Variants in CENPE observed in about 807,000 individuals in gnomAD.
CENPE encodes the protein centromere protein E, also known as centromere-associated protein E.
CENPE carries 145 observed loss-of-function variants against 336.1 expected under a neutral mutation model. The ratio of observed to expected loss-of-function variants is 0.43; its 90% CI spans 0.38 to 0.50. The LOEUF is 0.50. Ranked by LOEUF, CENPE falls within the 20% of genes least tolerant of loss-of-function variation. The pLI, the probability that CENPE is intolerant of heterozygous loss-of-function variation, is 0.00. For missense variants in CENPE, 2,719 were observed against 3,023.3 expected (o/e 0.90, Z 2.36); for synonymous variants, 1,013 against 984.8 (o/e 1.03, Z -0.54).
rs1408305941 is a variant in CENPE, at chr4:103,153,069, T to C, written c.3215A>G (p.Asp1072Gly). ...VIAEKEQLKTDLKENIEMTIE... is the reference protein window; with the variant it reads ...VIAEKEQLKTGLKENIEMTIE... ...TACCATTTCAATATTTTCCTTTAGG[T>C]CAGTCTTCAATTGTTCCTTTTCTGC... Residue 1072 changes from aspartate to glycine, a missense_variant, in exon 25 of 49, where the codon GAC becomes GGC. By Grantham distance (94) the Asp-to-Gly change is moderately conservative (BLOSUM62 -1). This residue lies in a region of CENPE where 2,437 missense variants were observed against 2,513.3 expected (regional missense o/e 0.97). Transcript: ENST00000265148. 3.7e-6 allele frequency: 6 copies of C among 1,612,062 alleles called. No individual in the cohort carries two copies. The highest frequency in any genetic ancestry group is 5.1e-6 in the Non-Finnish European group (6 of 1,179,144).
chr4:103,194,901 C>T (rs1274740386), intron 5 of CENPE, among the ~76,000 whole-genome samples: 1 of 151,966 alleles, frequency 6.6e-6, no homozygotes, highest in Admixed American at 6.5e-5. Flanking sequence ...TTCCAACTTG[C>T]TATTTTTACA....
At chr4:103,160,291 A>T (rs1303413155) in intron 21 of CENPE, among the ~76,000 whole-genome samples, 2 of 151,862 alleles carry the variant, frequency 1.3e-5, no homozygotes, top group African/African-American at 4.8e-5. Context: ...CAACATAATG[A>T]TACTACTACT....
At chr4:103,123,345 G>C (rs1326945877) in intron 42 of CENPE, among the ~76,000 whole-genome samples, 2 of 152,092 alleles carry the variant, frequency 1.3e-5, no homozygotes, top group Non-Finnish European at 2.9e-5. Context: ...TACACTACTT[G>C]TTCACTTGAT....
In CENPE at chr4:103,147,531, G is replaced by A; in HGVS notation, c.3959C>T (p.Ser1320Leu). The change falls in exon 29 of 49, where the codon TCA (serine) becomes TTA (leucine). Residue 1320 changes from serine to leucine, a missense_variant. Coordinates refer to ENST00000265148, the MANE Select transcript of CENPE (RefSeq NM_001813.3). ...LLTEQSTTKD[S>L]TTLARIEMER... ...CATTTCTATTCTTGCCAGTGTTGTT[G>A]AGTCCTTGGTTGTGGACTGTTCTGT... The A allele has an allele frequency of 1.2e-6, 2 of 1,614,042 alleles. No individual in the cohort carries two copies. Among genetic ancestry groups the A allele is most frequent in the Non-Finnish European group, 1.7e-6 (2 of 1,180,010 alleles).
Position 103,159,111 on chromosome 4 carries a change from T to G in CENPE, c.2500A>C (p.Lys834Gln). ...CTCTCATTCTCCTCAAGGACCATCT[T>G]ATACTTTTGCTCAAAGTCCATATGA... Reference protein sequence around the residue: ...TLHMDFEQKYKMVLEENERMN... With the variant: ...TLHMDFEQKYQMVLEENERMN... Residue 834 changes from lysine to glutamine, a missense_variant, in exon 22 of 49, where the codon AAG (lysine) becomes CAG (glutamine). By Grantham distance (53) the Lys-to-Gln change is moderately conservative. Coordinates refer to ENST00000265148, the MANE Select transcript of CENPE (RefSeq NM_001813.3). 6.2e-7 allele frequency: 1 copy of G among 1,603,756 alleles called. No individual in the cohort carries two copies.
At position 103,159,154 on chromosome 4, in the gene CENPE, G is replaced by T. The variant is rs762642934; in HGVS notation, c.2457C>A (p.Phe819Leu). 6.2e-7 allele frequency: 1 copy of T among 1,609,876 alleles called. No homozygotes were observed. Among genetic ancestry groups the T allele is most frequent in the Non-Finnish European group, 8.5e-7 (1 of 1,178,476 alleles). ...QSNYKSTDQE[F>L]QNFKTLHMDF... ...CCATATGAAGGGTTTTGAAATTTTG[G>T]AATTCTTGATCAGTGCTTTTATAAT... Residue 819 changes from phenylalanine (F) to leucine (L), a missense_variant, in exon 22 of 49, where the codon TTC becomes TTA. Coordinates refer to ENST00000265148, the MANE Select transcript of CENPE (RefSeq NM_001813.3).
intron 16 of CENPE, among the ~76,000 whole-genome samples, chr4:103,172,231 C>T (rs114243349): frequency 6.6e-6 from 1 of 151,956 alleles, no homozygotes; most frequent in African/African-American, 2.4e-5. Context: ...CTGAATTTAA[C>T]AGCACATTTA....
At chr4:103,124,985 A>G (rs1281203754) in intron 42 of CENPE, among the ~76,000 whole-genome samples, 2 of 152,228 alleles carry the variant, frequency 1.3e-5, no homozygotes, top group East Asian at 3.8e-4. Flanking sequence ...CTGGGTCTCC[A>G]GTATTACAAG....
intron 39 of CENPE, 148 bp downstream of exon 39, chr4:103,138,202 AC>A (rs1752232463): frequency 1.6e-6 from 1 of 626,602 alleles, no homozygotes; most frequent in African/African-American, 1.8e-5. Flanking sequence ...TATGCATTAT[AC>A]CCACACACCT....
intron 48 of CENPE, among the ~76,000 whole-genome samples, chr4:103,107,378 A>C (rs958147173): frequency 6.6e-6 from 1 of 152,200 alleles, no homozygotes; most frequent in African/African-American, 2.4e-5. Context: ...GAGAATGGAT[A>C]GATTTTTTCT....
At position 103,174,853 on chromosome 4, in the gene CENPE, C is replaced by A; in HGVS notation, c.1530G>T (p.Leu510=). ...LNSLRADYDN[L]VLDYEQLRTE... The stretch of plus-strand genomic sequence containing the variant: ...TTCGTAGTTGTTCATAGTCTAATAC[C>A]AGATTATCATAGTCAGCACGAAGTG... Residue 510 remains leucine (L), a synonymous_variant, in exon 16 of 49, where the codon CTG becomes CTT. Coordinates refer to ENST00000265148, the MANE Select transcript of CENPE (RefSeq NM_001813.3). 6.5e-7 allele frequency: 1 copy of A among 1,529,778 alleles called. No individual in the cohort carries two copies. The highest frequency in any genetic ancestry group is 8.8e-7 in the Non-Finnish European group (1 of 1,139,174). The allele number at this position is 1,529,778 out of a possible 1,614,324, so 94.8% of individuals were successfully genotyped here.
intron 46 of CENPE, among the ~76,000 whole-genome samples, chr4:103,112,422 CTTATAT>C (rs1749541613): frequency 1.0e-5 from 1 of 97,414 alleles, no homozygotes; most frequent in African/African-American, 3.6e-5. Context: ...TATGTATATA[CTTATAT>C]ACTTATACAT....
Position 103,176,059 on chromosome 4 carries a change from AG to A in CENPE, c.1391-12del. The A allele has an allele frequency of 6.5e-7, 1 of 1,532,244 alleles. No individual in the cohort carries two copies. The highest frequency in any genetic ancestry group is 1.2e-5 in the South Asian group (1 of 81,524). The allele number at this position is 1,532,244 out of a possible 1,614,324, so 94.9% of individuals were successfully genotyped here. A position where few individuals can be genotyped will look rare whatever the true frequency, so the allele number is the denominator to read the frequency against. On this transcript the variant is annotated splice_polypyrimidine_tract_variant and intron_variant, in intron 14 of 48. Transcript: ENST00000265148. The stretch of plus-strand genomic sequence containing the variant: ...ACTCTGAACAGACAGCTATAATTAG[AG>A]AAAAAAAAAATTTGTCCATGAACAT...
chr4:103,128,968 A>C (rs1210591762), intron 42 of CENPE, among the ~76,000 whole-genome samples: 2 of 152,182 alleles, frequency 1.3e-5, no homozygotes, highest in Non-Finnish European at 2.9e-5. Flanking sequence ...ACCTCTAGCT[A>C]GGCAAACTAA....
At chr4:103,169,989 T>C (rs936881393) in intron 16 of CENPE, among the ~76,000 whole-genome samples, 9 of 152,202 alleles carry the variant, frequency 5.9e-5, no homozygotes, top group Admixed American at 4.6e-4. Context: ...TGCAGGGACA[T>C]GGATGAAGCT....
chr4:103,110,696 T>C (rs1037374363), intron 47 of CENPE, 132 bp downstream of exon 47: 28 of 534,868 alleles, frequency 5.2e-5, no homozygotes, highest in Non-Finnish European at 8.2e-5. Context: ...ACTTATTACC[T>C]GAGCTCTAAA....
chr4:103,124,276 A>C (rs979932961), intron 42 of CENPE, among the ~76,000 whole-genome samples: 2 of 152,204 alleles, frequency 1.3e-5, no homozygotes, highest in Admixed American at 6.5e-5. Context: ...ACAGTACTTT[A>C]AAAGAATGTG....
At chr4:103,112,288 CATAAG>C (rs1185635378) in intron 46 of CENPE, among the ~76,000 whole-genome samples, 4 of 146,100 alleles carry the variant, frequency 2.7e-5, no homozygotes, top group South Asian at 2.1e-4. Context: ...CTAAGCAAAA[CATAAG>C]ATATTTGCTT....
chr4:103,151,310 G>A lies in CENPE; in HGVS notation c.3305C>T (p.Ala1102Val). 2 of 1,607,078 alleles carry A rather than the reference G, an allele frequency of 1.2e-6. No individual in the cohort carries two copies. Among genetic ancestry groups the A allele is most frequent in the East Asian group, 2.2e-5 (1 of 44,580 alleles). Residue 1102 changes from alanine (A) to valine (V), a missense_variant, in exon 26 of 49, where the codon GCA (alanine) becomes GTA (valine). By Grantham distance (64) the Ala-to-Val change is moderately conservative. This residue lies in a region of CENPE where 2,437 missense variants were observed against 2,513.3 expected (regional missense o/e 0.97). Coordinates refer to ENST00000265148, the MANE Select transcript of CENPE (RefSeq NM_001813.3). ...CTTTATGGCATGGTTCTTTTCTTGTGCAACTATCTCTTGTTGCTTTTTAAG... is the reference window on the plus strand; with the variant it reads ...CTTTATGGCATGGTTCTTTTCTTGTACAACTATCTCTTGTTGCTTTTTAAG... The part of the protein sequence containing the change: ...DELKKQQEIV[A>V]QEKNHAIKKE...
Sources: gnomAD v4.1 joint callset for allele counts (sites outside exome capture counted in the v4.1 genomes callset) on GRCh38, gnomAD v4.1.1 for gene constraint, gnomAD v4.1.1 regional missense constraint, MANE v1.5 for transcripts, NCBI Gene and HGNC (gene_info 2026-07-23, HGNC 2026-07-21) for gene names.